Variants in ACTN2 observed in about 807,000 individuals in gnomAD.
The protein encoded by ACTN2 is alpha-actinin-2.
A neutral mutation model predicts 113.8 loss-of-function variants in ACTN2; 39 were observed. The observed-to-expected ratio is 0.34, with a 90% CI of 0.27 to 0.45. The LOEUF (loss-of-function observed/expected upper bound fraction) is 0.45, where lower values mean the gene tolerates loss of function less well. Ranked by LOEUF, ACTN2 falls within the 20% of genes least tolerant of loss-of-function variation. The pLI is 1.00. For missense variants in ACTN2, 992 were observed against 1,177.9 expected (o/e 0.84, Z 2.31); for synonymous variants, 429 against 444.1 (o/e 0.97, Z 0.43).
chr1:236,717,614 G>A (rs996134576), intron 1 of ACTN2, among the ~76,000 whole-genome samples: 3 of 152,122 alleles, frequency 2.0e-5, no homozygotes, highest in African/African-American at 7.2e-5. Flanking sequence ...TTAAATGGAA[G>A]GCAAAAATTC....
In ACTN2 at chr1:236,763,273, G is replaced by A. The variant is rs1659762662; in HGVS notation, c.*654G>A. The A allele has an allele frequency of 6.5e-6, 1 of 154,522 alleles. No individual in the cohort carries two copies. Among genetic ancestry groups the A allele is most frequent in the Admixed American group, 6.4e-5 (1 of 15,650 alleles). The allele number at this position is 154,522 out of a possible 1,614,324, so 9.6% of individuals were successfully genotyped here. On this transcript the variant is annotated 3_prime_UTR_variant, in exon 21 of 21. Coordinates refer to ENST00000366578, the MANE Select transcript of ACTN2 (RefSeq NM_001103.4). ...GGGCTGGATGGTCAACTCAGTCAGT[G>A]ATTTTTTGATGCTTCTCTTATCCTC...
chr1:236,718,792 T>C, intron 2 of ACTN2, 102 bp from the exon 3 acceptor site: 1 of 1,536,270 alleles, frequency 6.5e-7, no homozygotes, highest in South Asian at 1.1e-5. Flanking sequence ...TCATGTAACC[T>C]TCTCTTTTTA....
chr1:236,687,631 T>C (rs922659891), intron 1 of ACTN2, among the ~76,000 whole-genome samples: 3 of 152,252 alleles, frequency 2.0e-5, no homozygotes, highest in Non-Finnish European at 4.4e-5. Context: ...CTCTGAACTT[T>C]TTTCCGCCTA....
chr1:236,741,382 A>G lies in ACTN2; in HGVS notation c.1108-1514A>G, dbSNP rs1256489879. Reference sequence around the variant, plus strand: ...TGCCACCTAAATGCCAATACCTCTCAAATTTTACATTTCCAGCTCTGACTT... The same window carrying G: ...TGCCACCTAAATGCCAATACCTCTCGAATTTTACATTTCCAGCTCTGACTT... On this transcript the variant is annotated intron_variant, in intron 10 of 20. Transcript: ENST00000366578. Among the ~76,000 whole-genome samples the G allele has an allele frequency of 2.0e-5, 3 of 152,152 alleles. No homozygotes were observed. The East Asian group carries it at 5.8e-4, about 29-fold the overall frequency.
Position 236,737,178 on chromosome 1 carries a change from G to A in ACTN2, c.840G>A (p.Glu280=). The A allele has an allele frequency of 6.2e-7, 1 of 1,605,758 alleles. No homozygotes were observed. The highest frequency in any genetic ancestry group is 8.5e-7 in the Non-Finnish European group (1 of 1,174,792). ...TTCTTGCTGTGAATCAAGAGAATGA[G>A]AGGCTGATGGAAGAATATGAGAGGC... ...CKVLAVNQEN[E]RLMEEYERLA... The change falls in exon 9 of 21, where the codon GAG becomes GAA. Residue 280 remains glutamate (E), a synonymous_variant. Transcript: ENST00000366578.
intron 9 of ACTN2, among the ~76,000 whole-genome samples, chr1:236,739,073 G>A (rs766298812): frequency 9.9e-5 from 15 of 151,966 alleles, no homozygotes; most frequent in Admixed American, 8.5e-4. Flanking sequence ...ACGACTTTAC[G>A]TGCTCACTTT....
At chr1:236,693,177 G>GCGCA (rs1355436088) in intron 1 of ACTN2, among the ~76,000 whole-genome samples, 5 of 149,038 alleles carry the variant, frequency 3.4e-5, no homozygotes. Flanking sequence ...CTGCACACAT[G>GCGCA]CACACACACA....
intron 1 of ACTN2, among the ~76,000 whole-genome samples, chr1:236,687,370 A>G (rs1665913354): frequency 6.6e-6 from 1 of 152,172 alleles, no homozygotes; most frequent in Admixed American, 6.5e-5. Context: ...GCACACAGGG[A>G]CGAAGGAGTC....
At position 236,761,138 on chromosome 1, in the gene ACTN2, G is replaced by GTCA. The variant is rs1659696485; in HGVS notation, c.2494_2496dup (p.Ile832dup). 6.2e-7 allele frequency: 1 copy of GTCA among 1,614,154 alleles called. No homozygotes were observed. On this transcript the variant is annotated inframe_insertion, in exon 20 of 21. Coordinates refer to ENST00000366578, the MANE Select transcript of ACTN2 (RefSeq NM_001103.4). Reference sequence around the variant, plus strand: ...GGCTGACACCGACACTGCCGAGCAGGTCATCGCCTCCTTCCGGATCCTGGC... The same window carrying GTCA: ...GGCTGACACCGACACTGCCGAGCAGGTCATCATCGCCTCCTTCCGGATCCTGGC...
chr1:236,728,997 TAAGGCAGTACAGAGCGTCCAC>T (rs1249103055), intron 6 of ACTN2, among the ~76,000 whole-genome samples: 2 of 152,130 alleles, frequency 1.3e-5, no homozygotes, highest in African/African-American at 4.8e-5. Flanking sequence ...TAATAGTGTG[TAAGGCAGTACAGAGCGTCCAC>T]AAGATTCACT....
chr1:236,739,256 G>C (rs1205925186), intron 9 of ACTN2, 46 bp from the exon 10 acceptor site: 1 of 1,584,410 alleles, frequency 6.3e-7, no homozygotes, highest in South Asian at 1.1e-5. Context: ...ACTGGGGGAG[G>C]GGGCTTGCTG....
intron 10 of ACTN2, 26 bp from the exon 11 acceptor site, chr1:236,742,870 C>T (rs1237181657): frequency 1.9e-6 from 3 of 1,614,002 alleles, no homozygotes; most frequent in Non-Finnish European, 2.5e-6. Context: ...TACACATTTG[C>T]TTCCCTTGGC....
Position 236,717,944 on chromosome 1 carries a change from G to A in ACTN2, c.213G>A (p.Lys71=). The A allele has an allele frequency of 1.2e-6, 2 of 1,614,060 alleles. No individual in the cohort carries two copies. Among genetic ancestry groups the A allele is most frequent in the Non-Finnish European group, 1.7e-6 (2 of 1,179,982 alleles). ...AGGAAGACTTCAGGAATGGCCTTAA[G>A]CTCATGCTGCTTTTGGAAGTCATCT... ...NIEEDFRNGL[K]LMLLLEVISG... is the part of the protein sequence containing the mutation. Residue 71 remains lysine, a synonymous_variant, in exon 2 of 21, where the codon AAG becomes AAA. Coordinates refer to ENST00000366578, the MANE Select transcript of ACTN2 (RefSeq NM_001103.4).
chr1:236,735,748 T>G, intron 8 of ACTN2, 28 bp downstream of exon 8: 1 of 1,596,918 alleles, frequency 6.3e-7, no homozygotes, highest in East Asian at 2.2e-5. Context: ...GTCCGGGCTG[T>G]TGTGTTACTC....
In ACTN2 at chr1:236,727,561, G is replaced by A. The variant is rs1658589630; in HGVS notation, c.537-117G>A. The A allele has an allele frequency of 5.9e-6, 6 of 1,018,602 alleles. No homozygotes were observed. The East Asian group carries it at 1.5e-4, about 25-fold the overall frequency. 63.1% of individuals were successfully genotyped at this position (1,018,602 alleles called of 1,614,324 possible). ...GGCGGGGTAAAGAGGAAGCTACATGGGGCCCTCCGTGCATGAAGTCAGACA... is the reference window on the plus strand; with the variant it reads ...GGCGGGGTAAAGAGGAAGCTACATGAGGCCCTCCGTGCATGAAGTCAGACA... On this transcript the variant is annotated intron_variant, in intron 5 of 20. Coordinates refer to ENST00000366578, the MANE Select transcript of ACTN2 (RefSeq NM_001103.4).
At chr1:236,712,920 C>CT (rs5781920) in intron 1 of ACTN2, among the ~76,000 whole-genome samples, 2,708 of 145,380 alleles carry the variant, frequency 0.019, 32 homozygotes, top group Middle Eastern at 0.049. Flanking sequence ...CCATCAGTTG[C>CT]TTTTTTTTTT....
chr1:236,735,589 G>A, intron 7 of ACTN2, 46 bp from the exon 8 acceptor site: 1 of 1,431,966 alleles, frequency 7.0e-7, no homozygotes, highest in Non-Finnish European at 9.9e-7. Flanking sequence ...GTATGTGTGT[G>A]GTGTGTGTGT....
intron 1 of ACTN2, among the ~76,000 whole-genome samples, chr1:236,708,399 A>G (rs1022266127): frequency 6.6e-6 from 1 of 152,326 alleles, no homozygotes; most frequent in South Asian, 2.1e-4. Flanking sequence ...TGAAAGGTGT[A>G]TCTGAGTACT....
intron 4 of ACTN2, 50 bp downstream of exon 4, chr1:236,720,241 G>C (rs1658343872): frequency 6.9e-7 from 1 of 1,440,978 alleles, no homozygotes; most frequent in Non-Finnish European, 9.8e-7. Flanking sequence ...AATTGAGCTT[G>C]TGAATTAAAA....
Sources: gnomAD v4.1 joint callset for allele counts (sites outside exome capture counted in the v4.1 genomes callset) on GRCh38, gnomAD v4.1.1 for gene constraint, MANE v1.5 for transcripts, NCBI Gene and HGNC (gene_info 2026-07-23, HGNC 2026-07-21) for gene names.